Variants in MBTD1 observed in about 807,000 individuals in gnomAD.
MBTD1 encodes mbt domain containing 1.
In MBTD1, 24 loss-of-function variants were observed where a neutral mutation model predicts 87.8. The observed-to-expected ratio is 0.27, with a 90% confidence interval of 0.20 to 0.38. The LOEUF (loss-of-function observed/expected upper bound fraction) is 0.38. MBTD1 is among the 10% of genes least tolerant of loss of function. The probability of loss-of-function intolerance (pLI) is 1.00; values close to 1 mark genes in which losing one functional copy is unlikely to be tolerated. For synonymous variants in MBTD1, 237 were observed against 248.6 expected (o/e 0.95, Z 0.44); for missense variants, 436 against 760.2 (o/e 0.57, Z 5.02).
At chr17:51,241,980 C>T (rs1004631775) in intron 2 of MBTD1, among the ~76,000 whole-genome samples, 3 of 152,162 alleles carry the variant, frequency 2.0e-5, no homozygotes, top group Non-Finnish European at 2.9e-5. Flanking sequence ...TTCTGACATG[C>T]CTCTATCATT....
chr17:51,209,452 G>C (rs1469693345), intron 6 of MBTD1: 1 of 471,064 alleles, frequency 2.1e-6, no homozygotes. Context: ...GCTGTCATCA[G>C]GTCCTGCAGG....
intron 6 of MBTD1, among the ~76,000 whole-genome samples, chr17:51,208,393 T>C (rs948613650): frequency 6.6e-6 from 1 of 152,226 alleles, no homozygotes; most frequent in African/African-American, 2.4e-5. Context: ...TCATTGTGAC[T>C]ACCTCTTCTT....
chr17:51,180,998 C>G lies in MBTD1; in HGVS notation c.1769-304G>C, dbSNP rs143477479. 7.9e-4 allele frequency among the ~76,000 whole-genome samples: 116 copies of G among 146,722 alleles called. 1 individual carries two copies. In the East Asian group the frequency reaches 0.017, roughly 22 times the overall value. ...TGTTTGTACAAACAATGATGTAGTT[C>G]TTTCATGGTTCTGAAGTACAATCTT... On this transcript the variant is annotated intron_variant, in intron 16 of 16. Coordinates refer to ENST00000586178, the MANE Select transcript of MBTD1 (RefSeq NM_017643.3).
intron 16 of MBTD1, 30 bp from the exon 17 acceptor site, chr17:51,180,724 A>G (rs375341889): frequency 3.3e-6 from 4 of 1,212,504 alleles, no homozygotes; most frequent in African/African-American, 3.0e-5. Flanking sequence ...ACATATGGGC[A>G]TTAAGGCTCT....
intron 2 of MBTD1, among the ~76,000 whole-genome samples, chr17:51,230,762 T>A (rs936704737): frequency 1.3e-5 from 2 of 152,062 alleles, no homozygotes. Context: ...GGGGCCAGAT[T>A]ATGAGGGCCC....
At chr17:51,233,143 C>A in intron 2 of MBTD1, among the ~76,000 whole-genome samples, 1 of 141,000 alleles carries the variant, frequency 7.1e-6, no homozygotes, top group Admixed American at 7.2e-5. Context: ...AAATTAGGCA[C>A]AACAAAAAGG....
chr17:51,197,386 G>A (rs1469357243), intron 12 of MBTD1, among the ~76,000 whole-genome samples: 1 of 151,698 alleles, frequency 6.6e-6, no homozygotes, highest in Non-Finnish European at 1.5e-5. Flanking sequence ...AGTTTTACTT[G>A]TTGAATTTTT....
chr17:51,259,069 G>T, intron 2 of MBTD1, 74 bp downstream of exon 2: 1 of 400,954 alleles, frequency 2.5e-6, no homozygotes, highest in Non-Finnish European at 4.4e-6. Context: ...TAGAACTACT[G>T]AAATATGGGC....
intron 13 of MBTD1, among the ~76,000 whole-genome samples, chr17:51,194,324 T>A (rs938115082): frequency 1.3e-5 from 2 of 152,024 alleles, no homozygotes; most frequent in Non-Finnish European, 2.9e-5. Context: ...AATCCCAGCA[T>A]GCTGGGAGGC....
intron 12 of MBTD1, among the ~76,000 whole-genome samples, chr17:51,196,016 T>C (rs1474746386): frequency 6.6e-5 from 10 of 152,264 alleles, no homozygotes; most frequent in African/African-American, 2.4e-4. Context: ...CAAGCAATCC[T>C]TCTGTCTCTG....
At chr17:51,260,615 CTG>C, upstream of MBTD1, 1 of 1,612,724 alleles carries the variant, frequency 6.2e-7, no homozygotes, top group Non-Finnish European at 8.5e-7. Flanking sequence ...ACGAATGAAA[CTG>C]GACCGGAGAA....
At chr17:51,245,078 T>C (rs903549995) in intron 2 of MBTD1, among the ~76,000 whole-genome samples, 1 of 152,112 alleles carries the variant, frequency 6.6e-6, no homozygotes, top group East Asian at 1.9e-4. Context: ...TTTTTTGTAT[T>C]TTTAGTAGAG....
intron 2 of MBTD1, among the ~76,000 whole-genome samples, chr17:51,240,770 T>C (rs2054118319): frequency 6.6e-6 from 1 of 152,196 alleles, no homozygotes; most frequent in Non-Finnish European, 1.5e-5. Flanking sequence ...GGGAGTTATA[T>C]ACTCCCCTTC....
intron 16 of MBTD1, 106 bp from the exon 17 acceptor site, chr17:51,180,800 A>G: frequency 1.5e-6 from 1 of 676,608 alleles, no homozygotes; most frequent in Non-Finnish European, 2.6e-6. Context: ...AGACTTCTTC[A>G]TTTCTTCAGT....
At chr17:51,212,634 C>A (rs1325517944) in intron 6 of MBTD1, among the ~76,000 whole-genome samples, 2 of 110,832 alleles carry the variant, frequency 1.8e-5, no homozygotes, top group African/African-American at 7.1e-5. Context: ...TACATTTTAG[C>A]CCGTGCTACA....
chr17:51,187,994 T>C (rs1259683716), intron 16 of MBTD1, among the ~76,000 whole-genome samples: 1 of 151,702 alleles, frequency 6.6e-6, no homozygotes, highest in African/African-American at 2.4e-5. Context: ...AACTAAAAGG[T>C]AAATGTAAGC....
intron 12 of MBTD1, among the ~76,000 whole-genome samples, chr17:51,199,240 G>A (rs1016356781): frequency 6.6e-5 from 10 of 151,508 alleles, no homozygotes; most frequent in African/African-American, 2.4e-4. Context: ...GGGATTACAG[G>A]TGCCTGGCCC....
chr17:51,206,922 T>C lies in MBTD1; in HGVS notation c.570A>G (p.Lys190=), dbSNP rs770681120. Residue 190 remains lysine (K), a synonymous_variant, in exon 7 of 17, where the codon AAA becomes AAG. Transcript: ENST00000586178. The part of the protein sequence containing the change: ...VPNTDCSLPT[K]VFWIAGIVKL... ...TTACAATTCCAGCAATCCAGAAGAC[T>C]TTGGTAGGTAGGCTGCAGTCTGTAT... is the stretch of plus-strand genomic sequence containing the variant. 4 of 1,613,462 alleles carry C rather than the reference T, an allele frequency of 2.5e-6. No individual in the cohort carries two copies. Among genetic ancestry groups the C allele is most frequent in the Non-Finnish European group, 3.4e-6 (4 of 1,179,576 alleles).
At chr17:51,224,884 T>TAAAC in intron 3 of MBTD1, 124 bp downstream of exon 3, 1 of 526,762 alleles carries the variant, frequency 1.9e-6, no homozygotes. Flanking sequence ...TCTCGAATTA[T>TAAAC]AAACGTCAGC....
Sources: allele counts gnomAD v4.1 joint callset (sites outside exome capture counted in the v4.1 genomes callset), GRCh38; gene constraint gnomAD v4.1.1; transcripts MANE v1.5; gene names NCBI Gene and HGNC (gene_info 2026-07-23, HGNC 2026-07-21).